DENND4A: variants seen among roughly 807,000 people sequenced by gnomAD.
DENND4A encodes the protein C-myc promoter-binding protein.
In DENND4A, 70 loss-of-function variants were observed where a neutral mutation model predicts 199.3. The ratio of observed to expected loss-of-function variants is 0.35; its 90% CI spans 0.29 to 0.43. The LOEUF is 0.43. DENND4A is among the 20% of genes least tolerant of loss of function. The pLI is 1.00. For missense variants in DENND4A, 1,723 were observed against 2,255.8 expected, an observed-to-expected ratio of 0.76 and a Z score of 4.78; for synonymous variants, 686 against 766.9, an observed-to-expected ratio of 0.89 and a Z score of 1.74.
intron 4 of DENND4A, among the ~76,000 whole-genome samples, chr15:65,746,362 T>G (rs1344570453): frequency 1.5e-5 from 2 of 135,668 alleles, no homozygotes; most frequent in Non-Finnish European, 3.1e-5. Context: ...CAATTCTACT[T>G]TTTTCTCTTT....
intron 22 of DENND4A, among the ~76,000 whole-genome samples, chr15:65,692,444 G>T (rs2077005575): frequency 6.6e-6 from 1 of 152,112 alleles, no homozygotes. Flanking sequence ...ATTAGTCTAG[G>T]TATAGTATCA....
chr15:65,706,469 CACACACACACACACACACACACACACAT>C (rs906987453), intron 14 of DENND4A, among the ~76,000 whole-genome samples: 1 of 109,632 alleles, frequency 9.1e-6, no homozygotes, highest in African/African-American at 4.5e-5. Flanking sequence ...CACACACACA[CACACACACACACACACACACACACACAT>C]ATATATATAT....
intron 22 of DENND4A, among the ~76,000 whole-genome samples, chr15:65,693,674 C>G (rs1052117727): frequency 1.3e-5 from 2 of 151,596 alleles, no homozygotes; most frequent in African/African-American, 4.8e-5. Context: ...AATTTAAGCT[C>G]AAAAATGATA....
chr15:65,705,993 G>A (rs1195169974), intron 15 of DENND4A, 98 bp downstream of exon 15: 1 of 1,376,988 alleles, frequency 7.3e-7, no homozygotes, highest in African/African-American at 1.5e-5. Context: ...GATCTGTAAA[G>A]TTTGGATTTT....
intron 2 of DENND4A, among the ~76,000 whole-genome samples, chr15:65,757,232 G>T (rs2076727316): frequency 7.2e-6 from 1 of 138,780 alleles, no homozygotes; most frequent in African/African-American, 2.7e-5. Context: ...CAAGAGGCTT[G>T]TGTGTTTATT....
intron 11 of DENND4A, 85 bp downstream of exon 11, chr15:65,728,987 T>C (rs2075887083): frequency 7.7e-7 from 1 of 1,298,352 alleles, no homozygotes; most frequent in Non-Finnish European, 1.1e-6. Flanking sequence ...AAAAGAATCC[T>C]ACTTAACAAT....
chr15:65,676,089 C>T (rs916629520), intron 24 of DENND4A, among the ~76,000 whole-genome samples: 2 of 144,382 alleles, frequency 1.4e-5, no homozygotes, highest in Non-Finnish European at 3.0e-5. Flanking sequence ...GGGTAGGAAA[C>T]TATTGACAGT....
At chr15:65,739,932 G>A (rs926469911) in intron 5 of DENND4A, among the ~76,000 whole-genome samples, 1 of 152,172 alleles carries the variant, frequency 6.6e-6, no homozygotes, top group African/African-American at 2.4e-5. Flanking sequence ...TGTAATCCTA[G>A]CACTTTGGGA....
At chr15:65,751,779 T>C (rs182842189) in intron 4 of DENND4A, among the ~76,000 whole-genome samples, 2 of 152,224 alleles carry the variant, frequency 1.3e-5, no homozygotes, top group Admixed American at 1.3e-4. Context: ...TCTCTGGATA[T>C]GACAACAAGA....
chr15:65,771,381 T>G lies in DENND4A; in HGVS notation c.-101-9943A>C, dbSNP rs189296879. 1,189 of 1,581,522 alleles carry G rather than the reference T, an allele frequency of 7.5e-4. 9 individuals are homozygous for G. The Middle Eastern group carries it at 0.019, about 26-fold the overall frequency. On this transcript the variant is annotated intron_variant, in intron 1 of 32. Transcript: ENST00000443035. ...CTCTTTTCTGCCTTTTGTAATAACA[T>G]TCCTTTATATTCATTTTTAAAGTCC...
At chr15:65,697,051 T>C (rs1232224906) in intron 21 of DENND4A, 2 of 442,980 alleles carry the variant, frequency 4.5e-6, no homozygotes, top group African/African-American at 4.1e-5. Flanking sequence ...TCTAATGGTA[T>C]TTGATTTGGG....
intron 16 of DENND4A, 104 bp from the exon 17 acceptor site, chr15:65,702,615 A>G: frequency 2.0e-6 from 2 of 1,024,560 alleles, no homozygotes; most frequent in Non-Finnish European, 1.4e-6. Context: ...TAATGTTTCC[A>G]TAACAAAATA....
intron 12 of DENND4A, among the ~76,000 whole-genome samples, chr15:65,718,353 A>C (rs560077459): frequency 9.2e-5 from 14 of 152,304 alleles, no homozygotes; most frequent in African/African-American, 1.4e-4. Context: ...TGTCTTTACA[A>C]AATTTTTTTT....
chr15:65,676,724 C>T (rs2076394354), intron 23 of DENND4A, 90 bp from the exon 24 acceptor site: 8 of 999,704 alleles, frequency 8.0e-6, no homozygotes, highest in Non-Finnish European at 1.1e-5. Flanking sequence ...CACTTATCAC[C>T]TAACTACCCA....
intron 21 of DENND4A, chr15:65,697,054 G>A (rs539849578): frequency 6.7e-6 from 3 of 446,620 alleles, no homozygotes; most frequent in African/African-American, 6.2e-5. Flanking sequence ...AATGGTATTT[G>A]ATTTGGGAAG....
At chr15:65,764,827 G>T (rs1453252991) in intron 1 of DENND4A, among the ~76,000 whole-genome samples, 2 of 151,920 alleles carry the variant, frequency 1.3e-5, no homozygotes, top group East Asian at 1.9e-4. Context: ...TTAAAAATTT[G>T]CTGGGTGTGG....
chr15:65,714,133 C>T (rs1433745046), intron 14 of DENND4A, among the ~76,000 whole-genome samples: 3 of 151,938 alleles, frequency 2.0e-5, no homozygotes, highest in East Asian at 1.9e-4. Flanking sequence ...TATCTTTGGC[C>T]GGGTGCAGTG....
At chr15:65,718,325 G>A (rs2140280892) in intron 12 of DENND4A, among the ~76,000 whole-genome samples, 1 of 152,110 alleles carries the variant, frequency 6.6e-6, no homozygotes, top group Admixed American at 6.5e-5. Context: ...ACTAGCCTGG[G>A]CAACATAAGA....
At chr15:65,758,589 G>T (rs112556408) in intron 2 of DENND4A, among the ~76,000 whole-genome samples, 6,405 of 152,248 alleles carry the variant, frequency 0.042, 225 homozygotes, top group Non-Finnish European at 0.062. Flanking sequence ...TGGGATTACA[G>T]GTGTGAGCCA....
Sources: gnomAD v4.1 joint callset for allele counts (sites outside exome capture counted in the v4.1 genomes callset) on GRCh38, gnomAD v4.1.1 for gene constraint, MANE v1.5 for transcripts, NCBI Gene and HGNC (gene_info 2026-07-23, HGNC 2026-07-21) for gene names.